Variants in EFNB2 observed in about 807,000 individuals in gnomAD.
EFNB2 encodes the protein ephrin B2.
EFNB2 carries 5 observed loss-of-function variants against 32.1 expected under a neutral mutation model. The ratio of observed to expected loss-of-function variants is 0.16; its 90% CI spans 0.08 to 0.33. The LOEUF is 0.33. EFNB2 is among the 10% of genes least tolerant of loss of function. EFNB2 has a pLI of 1.00. For synonymous variants in EFNB2, 168 were observed against 166.5 expected (o/e 1.01, Z -0.07); for missense variants, 263 against 422.6 (o/e 0.62, Z 3.31).
At chr13:106,502,282 T>C (rs956431736) in intron 2 of EFNB2, among the ~76,000 whole-genome samples, 10 of 152,238 alleles carry the variant, frequency 6.6e-5, no homozygotes, top group Non-Finnish European at 1.5e-4. Flanking sequence ...AGTCACAGTT[T>C]AGAACTCCCC....
At chr13:106,528,470 TA>T (rs35288702) in intron 1 of EFNB2, among the ~76,000 whole-genome samples, 39,315 of 145,016 alleles carry the variant, frequency 0.27, 5,737 homozygotes, top group East Asian at 0.68. Flanking sequence ...TGCTGCTCTT[TA>T]AAAAAAAAAA....
chr13:106,513,573 C>CT (rs1879216990), intron 1 of EFNB2, among the ~76,000 whole-genome samples: 1 of 152,118 alleles, frequency 6.6e-6, no homozygotes, highest in African/African-American at 2.4e-5. Context: ...AGAACTAAGA[C>CT]TACTGATACA....
At chr13:106,497,434 C>T (rs971346157) in intron 2 of EFNB2, among the ~76,000 whole-genome samples, 23 of 148,466 alleles carry the variant, frequency 1.5e-4, no homozygotes, top group African/African-American at 5.5e-4. Flanking sequence ...ACATTGTAGA[C>T]CATTAAGAAA....
Position 106,492,810 on chromosome 13 carries a change from G to T in EFNB2, c.*230C>A, listed in dbSNP as rs114841344. 1.9e-3 allele frequency: 1,003 copies of T among 520,514 alleles called. 5 individuals carry two copies. Among genetic ancestry groups the T allele is most frequent in the African/African-American group, 0.017 (899 of 53,284 alleles). 32.2% of individuals were successfully genotyped at this position (520,514 alleles called of 1,614,324 possible). A position where few individuals can be genotyped will look rare whatever the true frequency, so the allele number is the denominator to read the frequency against. On this transcript the variant is annotated 3_prime_UTR_variant, in exon 5 of 5. Coordinates refer to ENST00000646441, the MANE Select transcript of EFNB2 (RefSeq NM_004093.4). The surrounding 1 kb of genome is among the most constrained non-coding windows in gnomAD (Gnocchi z 5.1). ...ACGCGGCACAGCAGTCCGAATGGGCGTCTTCTGCACAGTCTTCCAGCTTCC... is the reference window on the plus strand; with the variant it reads ...ACGCGGCACAGCAGTCCGAATGGGCTTCTTCTGCACAGTCTTCCAGCTTCC...
At chr13:106,499,865 A>G (rs2138905248) in intron 2 of EFNB2, among the ~76,000 whole-genome samples, 1 of 152,192 alleles carries the variant, frequency 6.6e-6, no homozygotes, top group East Asian at 1.9e-4. Flanking sequence ...AAGTATATAG[A>G]AGTCACTACA....
chr13:106,501,475 A>C (rs1250634414), intron 2 of EFNB2, among the ~76,000 whole-genome samples: 1 of 152,206 alleles, frequency 6.6e-6, no homozygotes, highest in Non-Finnish European at 1.5e-5. Flanking sequence ...GCATTACTTC[A>C]AATCACATAG....
Position 106,492,807 on chromosome 13 carries a change from G to C in EFNB2, c.*233C>G. The stretch of plus-strand genomic sequence containing the variant: ...GGGACGCGGCACAGCAGTCCGAATG[G>C]GCGTCTTCTGCACAGTCTTCCAGCT... On this transcript the variant is annotated 3_prime_UTR_variant, in exon 5 of 5. Transcript: ENST00000646441. The surrounding 1 kb of genome is among the most constrained non-coding windows in gnomAD (Gnocchi z 5.1). The C allele has an allele frequency of 1.9e-6, 1 of 514,438 alleles. No homozygotes were observed. Among genetic ancestry groups the C allele is most frequent in the Non-Finnish European group, 3.4e-6 (1 of 293,130 alleles). The allele number at this position is 514,438 out of a possible 1,614,324, so 31.9% of individuals were successfully genotyped here.
At chr13:106,531,706 A>G (rs992695452) in intron 1 of EFNB2, among the ~76,000 whole-genome samples, 1 of 152,230 alleles carries the variant, frequency 6.6e-6, no homozygotes, top group African/African-American at 2.4e-5. Flanking sequence ...TTATCTGGAT[A>G]TCATCCAGCC....
chr13:106,520,525 T>C (rs974072330), intron 1 of EFNB2: 5 of 152,248 alleles, frequency 3.3e-5, no homozygotes, highest in Non-Finnish European at 5.9e-5. Flanking sequence ...CTCTGTGCAC[T>C]TGGGAATACG....
At chr13:106,528,322 G>T (rs982134554) in intron 1 of EFNB2, among the ~76,000 whole-genome samples, 1 of 152,140 alleles carries the variant, frequency 6.6e-6, no homozygotes, top group Non-Finnish European at 1.5e-5. Flanking sequence ...CAAGGGCAAT[G>T]TATCTACAGC....
At position 106,493,101 on chromosome 13, in the gene EFNB2, G is replaced by A. The variant is rs1271072181; in HGVS notation, c.941C>T (p.Pro314Leu). Reference protein sequence around the residue: ...YEKVSGDYGHPVYIVQEMPPQ... With the variant: ...YEKVSGDYGHLVYIVQEMPPQ... ...GGGCATCTCCTGGACGATGTACACCGGGTGCCCGTAGTCCCCGCTGACCTT... is the reference window on the plus strand; with the variant it reads ...GGGCATCTCCTGGACGATGTACACCAGGTGCCCGTAGTCCCCGCTGACCTT... Residue 314 changes from proline (P) to leucine (L), a missense_variant, in exon 5 of 5, where the codon CCG (proline) becomes CTG (leucine). Transcript: ENST00000646441. This position sits in a 1 kb window ranked among gnomAD's most constrained non-coding sequence, Gnocchi z 6.1. 2 of 1,613,808 alleles carry A rather than the reference G, an allele frequency of 1.2e-6. No homozygotes were observed. The highest frequency in any genetic ancestry group is 2.2e-5 in the East Asian group (1 of 44,888).
rs937247575 is a variant in EFNB2, at chr13:106,492,622, C to A, written c.*418G>T. 2 of 189,120 alleles carry A rather than the reference C, an allele frequency of 1.1e-5. No homozygotes were observed. Among genetic ancestry groups the A allele is most frequent in the Admixed American group, 1.1e-4 (2 of 18,910 alleles). The allele number at this position is 189,120 out of a possible 1,614,324, so 11.7% of individuals were successfully genotyped here. The stretch of plus-strand genomic sequence containing the variant: ...CGTGTGACAAGTCCGGTATGCACTG[C>A]GGGGGAAATGCACCCCAGGCAGAAG... On this transcript the variant is annotated 3_prime_UTR_variant, in exon 5 of 5. Coordinates refer to ENST00000646441, the MANE Select transcript of EFNB2 (RefSeq NM_004093.4). The surrounding 1 kb of genome is among the most constrained non-coding windows in gnomAD (Gnocchi z 5.1).
At chr13:106,524,972 T>C (rs971810097) in intron 1 of EFNB2, among the ~76,000 whole-genome samples, 1 of 152,240 alleles carries the variant, frequency 6.6e-6, no homozygotes, top group South Asian at 2.1e-4. Flanking sequence ...TATTATGCTA[T>C]AGTCTTTATT....
In EFNB2 at chr13:106,493,415, G is replaced by A. The variant is rs768069785; in HGVS notation, c.627C>T (p.Asp209=). Reference sequence around the variant, plus strand: ...TCCCCGAATGTCCGGCGCTGTTGCCGTCTGTGCTAGAACCTGCAGACGCGG... The same window carrying A: ...TCCCCGAATGTCCGGCGCTGTTGCCATCTGTGCTAGAACCTGCAGACGCGG... The part of the protein sequence containing the change: ...FVKPNPGSST[D]GNSAGHSGNN... The change falls in exon 5 of 5, where the codon GAC becomes GAT. Residue 209 remains aspartate, a synonymous_variant. Transcript: ENST00000646441. The surrounding 1 kb of genome is among the most constrained non-coding windows in gnomAD (Gnocchi z 6.1). 24 of 1,612,092 alleles carry A rather than the reference G, an allele frequency of 1.5e-5. No homozygotes were observed. The highest frequency in any genetic ancestry group is 3.3e-5 in the South Asian group (3 of 90,870).
intron 2 of EFNB2, among the ~76,000 whole-genome samples, chr13:106,500,883 C>T (rs188216071): frequency 6.6e-6 from 1 of 152,030 alleles, no homozygotes; most frequent in Non-Finnish European, 1.5e-5. Context: ...ACATGGAAAG[C>T]AAAGCCGTGA....
At chr13:106,515,459 G>GT (rs1879282038) in intron 1 of EFNB2, among the ~76,000 whole-genome samples, 1 of 152,030 alleles carries the variant, frequency 6.6e-6, no homozygotes, top group Non-Finnish European at 1.5e-5. Flanking sequence ...AAAGTAAATC[G>GT]TGACAAAGCT....
chr13:106,510,593 C>A (rs1475092236), intron 2 of EFNB2, among the ~76,000 whole-genome samples: 1 of 151,158 alleles, frequency 6.6e-6, no homozygotes, highest in Non-Finnish European at 1.5e-5. Flanking sequence ...TCTTCCCGTA[C>A]CACGACCTTC....
At chr13:106,516,775 G>A (rs1220350935) in intron 1 of EFNB2, 1 of 152,160 alleles carries the variant, frequency 6.6e-6, no homozygotes, top group African/African-American at 2.4e-5. Flanking sequence ...TGAGACCACG[G>A]CTCAGATGTG....
intron 1 of EFNB2, among the ~76,000 whole-genome samples, chr13:106,529,184 A>T (rs1464147791): frequency 6.6e-6 from 1 of 152,128 alleles, no homozygotes; most frequent in Non-Finnish European, 1.5e-5. Flanking sequence ...GTCTGAAAAG[A>T]TGGCTGAAAT....
Sources: allele counts gnomAD v4.1 joint callset (sites outside exome capture counted in the v4.1 genomes callset), GRCh38; gene constraint gnomAD v4.1.1; non-coding constraint Gnocchi (gnomAD v3.1); transcripts MANE v1.5; gene names NCBI Gene and HGNC (gene_info 2026-07-23, HGNC 2026-07-21).